The following CTNNA2 variants were observed in gnomAD, a reference collection of about 807,000 sequenced individuals.
The protein encoded by CTNNA2 is catenin alpha 2.
CTNNA2 carries 42 observed loss-of-function variants against 101.0 expected under a neutral mutation model. The observed-to-expected ratio is 0.42, with a 90% CI of 0.32 to 0.54. The LOEUF (loss-of-function observed/expected upper bound fraction) is 0.54, where lower values mean the gene tolerates loss of function less well. Ranked by LOEUF, CTNNA2 falls within the 20% of genes least tolerant of loss-of-function variation. The pLI is 0.14. For synonymous variants in CTNNA2, 450 were observed against 456.4 expected, an observed-to-expected ratio of 0.99 and a Z score of 0.18; for missense variants, 871 against 1,223.1, an observed-to-expected ratio of 0.71 and a Z score of 4.29.
At chr2:80,504,636 T>G (rs2149538800) in intron 9 of CTNNA2, among the ~76,000 whole-genome samples, 1 of 152,278 alleles carries the variant, frequency 6.6e-6, no homozygotes, top group East Asian at 1.9e-4. Flanking sequence ...ACATGGAACC[T>G]GAAGGGCCTT....
At chr2:80,458,982 T>C (rs1489055036) in intron 9 of CTNNA2, among the ~76,000 whole-genome samples, 1 of 152,228 alleles carries the variant, frequency 6.6e-6, no homozygotes, top group Non-Finnish European at 1.5e-5. Context: ...ACCATATTTT[T>C]ACTGGTAACT....
At chr2:79,903,258 T>C (rs953927171) in intron 6 of CTNNA2, among the ~76,000 whole-genome samples, 19 of 152,134 alleles carry the variant, frequency 1.2e-4, no homozygotes, top group African/African-American at 4.6e-4. Context: ...CATTACCTTC[T>C]CTTTATCCAT....
chr2:79,864,025 AC>A (rs1178230829), intron 4 of CTNNA2, among the ~76,000 whole-genome samples: 2 of 152,030 alleles, frequency 1.3e-5, no homozygotes, highest in South Asian at 2.1e-4. Flanking sequence ...CAGGAACCAA[AC>A]CCTTTCCTCT....
intron 13 of CTNNA2, among the ~76,000 whole-genome samples, chr2:80,581,033 G>A (rs1314471979): frequency 2.6e-5 from 4 of 151,770 alleles, no homozygotes; most frequent in Non-Finnish European, 5.9e-5. Flanking sequence ...CAAACCCTAA[G>A]TAATAATGAT....
chr2:79,205,144 T>C (rs1674085257), intron 2 of CTNNA2, among the ~76,000 whole-genome samples: 1 of 152,212 alleles, frequency 6.6e-6, no homozygotes, highest in South Asian at 2.1e-4. Flanking sequence ...TCTTTGTGGC[T>C]CTTTCTCAGG....
At chr2:80,263,720 C>T (rs994775282) in intron 7 of CTNNA2, among the ~76,000 whole-genome samples, 2 of 152,216 alleles carry the variant, frequency 1.3e-5, no homozygotes, top group African/African-American at 4.8e-5. Flanking sequence ...CTAACGGCTA[C>T]CATATAGGAC....
At chr2:79,323,331 G>C (rs1490364412) in intron 3 of CTNNA2, among the ~76,000 whole-genome samples, 1 of 152,132 alleles carries the variant, frequency 6.6e-6, no homozygotes, top group Non-Finnish European at 1.5e-5. Context: ...TGAGAAAAGT[G>C]CATGGATAAT....
At chr2:80,312,974 T>C (rs996389318) in intron 7 of CTNNA2, among the ~76,000 whole-genome samples, 4 of 152,222 alleles carry the variant, frequency 2.6e-5, no homozygotes, top group African/African-American at 4.8e-5. Flanking sequence ...AACACTCTCA[T>C]TGAATTGAGT....
In CTNNA2 at chr2:79,885,876, A is replaced by G. The variant is rs1369863519; in HGVS notation, c.852+11534A>G. Among the ~76,000 whole-genome samples, 3 of 152,208 alleles carry G rather than the reference A, an allele frequency of 2.0e-5. No individual in the cohort carries two copies. In the South Asian group the frequency reaches 6.2e-4, roughly 31 times the overall value. Reference sequence around the variant, plus strand: ...GATTCAGGTATTGGCTACTACTCCAAGCTCTACAAATAACTAAGTATGTGT... The same window carrying G: ...GATTCAGGTATTGGCTACTACTCCAGGCTCTACAAATAACTAAGTATGTGT... On this transcript the variant is annotated intron_variant, in intron 6 of 18. Coordinates refer to ENST00000402739, the MANE Select transcript of CTNNA2 (RefSeq NM_001282597.3).
chr2:80,553,076 AATC>A (rs1226228174), intron 11 of CTNNA2, among the ~76,000 whole-genome samples: 26 of 151,022 alleles, frequency 1.7e-4, no homozygotes, highest in African/African-American at 6.3e-4. Flanking sequence ...AAAAAAAAAA[AATC>A]CAGGTGTGAT....
intron 3 of CTNNA2, among the ~76,000 whole-genome samples, chr2:79,836,721 T>C (rs80156065): frequency 0.041 from 6,296 of 152,266 alleles, 180 homozygotes; most frequent in Middle Eastern, 0.075. Context: ...GACTCTGTTG[T>C]CATATGTGAT....
At chr2:80,129,449 G>A (rs13014439) in intron 7 of CTNNA2, among the ~76,000 whole-genome samples, 2,011 of 152,188 alleles carry the variant, frequency 0.013, 18 homozygotes, top group Admixed American at 0.022. Context: ...TGGTCATCAC[G>A]GGTGTTACTG....
At chr2:79,213,329 G>C (rs948179650) in intron 2 of CTNNA2, among the ~76,000 whole-genome samples, 21 of 152,182 alleles carry the variant, frequency 1.4e-4, no homozygotes. Context: ...TTATTAAAGA[G>C]GCATTAATGA....
chr2:80,064,195 A>G (rs538532423), intron 7 of CTNNA2, among the ~76,000 whole-genome samples: 2 of 152,326 alleles, frequency 1.3e-5, no homozygotes, highest in African/African-American at 4.8e-5. Context: ...CCTTCAGTAG[A>G]ATGTGAGGGC....
At chr2:79,407,764 G>C (rs1678355505) in intron 4 of CTNNA2, among the ~76,000 whole-genome samples, 1 of 151,940 alleles carries the variant, frequency 6.6e-6, no homozygotes, top group South Asian at 2.1e-4. Flanking sequence ...CACAGAAAAG[G>C]ATAGTCTTAC....
At chr2:79,593,374 G>A (rs1676983911) in intron 1 of CTNNA2, among the ~76,000 whole-genome samples, 1 of 152,184 alleles carries the variant, frequency 6.6e-6, no homozygotes, top group African/African-American at 2.4e-5. Flanking sequence ...AGATACTGTT[G>A]TAGAACACAA....
intron 6 of CTNNA2, among the ~76,000 whole-genome samples, chr2:79,896,243 A>G (rs1449849330): frequency 2.0e-5 from 3 of 151,962 alleles, no homozygotes; most frequent in African/African-American, 7.3e-5. Context: ...AAATCGTGCC[A>G]CTGTACTCCA....
intron 7 of CTNNA2, among the ~76,000 whole-genome samples, chr2:80,376,694 A>T (rs923458196): frequency 6.6e-6 from 1 of 152,114 alleles, no homozygotes; most frequent in South Asian, 2.1e-4. Context: ...CTACCTTCTG[A>T]GGTGTGTATA....
In CTNNA2 at chr2:79,876,294, C is replaced by T. The variant is rs190486905; in HGVS notation, c.852+1952C>T. Among the ~76,000 whole-genome samples the T allele has an allele frequency of 7.6e-4, 116 of 152,136 alleles. 4 individuals carry two copies. The East Asian group carries it at 0.02, about 27-fold the overall frequency. On this transcript the variant is annotated intron_variant, in intron 6 of 18. Transcript: ENST00000402739. ...TTCAGGGAAAAGTAAATGAGCAGGT[C>T]ATACACACAGATATTAAAACATTGT...
Sources: gnomAD v4.1 joint callset for allele counts (sites outside exome capture counted in the v4.1 genomes callset) on GRCh38, gnomAD v4.1.1 for gene constraint, MANE v1.5 for transcripts, NCBI Gene and HGNC (gene_info 2026-07-23, HGNC 2026-07-21) for gene names.